RPRD1B: variants seen among roughly 807,000 people sequenced by gnomAD.
The protein encoded by RPRD1B is regulation of nuclear pre-mRNA domain containing 1B.
A neutral mutation model predicts 41.5 loss-of-function variants in RPRD1B; 11 were observed. The observed-to-expected ratio is 0.27, with a 90% CI of 0.17 to 0.44. The LOEUF (loss-of-function observed/expected upper bound fraction) is 0.44, where lower values mean the gene tolerates loss of function less well. RPRD1B is among the 20% of genes least tolerant of loss of function. The pLI, the probability that RPRD1B is intolerant of heterozygous loss-of-function variation, is 1.00. For missense variants in RPRD1B, 248 were observed against 389.9 expected, an observed-to-expected ratio of 0.64 and a Z score of 3.06; for synonymous variants, 158 against 155.6, an observed-to-expected ratio of 1.02 and a Z score of -0.12.
chr20:38,058,974 A>T (rs2074270364), intron 4 of RPRD1B, among the ~76,000 whole-genome samples: 1 of 152,130 alleles, frequency 6.6e-6, no homozygotes, highest in South Asian at 2.1e-4. Flanking sequence ...TTGGCTTCCC[A>T]AAGTGCTAGG....
intron 6 of RPRD1B, among the ~76,000 whole-genome samples, chr20:38,067,803 T>G (rs1265722295): frequency 1.3e-5 from 2 of 152,216 alleles, no homozygotes; most frequent in Non-Finnish European, 2.9e-5. Flanking sequence ...GGAAGCATTT[T>G]CAGCACTGTG....
intron 5 of RPRD1B, among the ~76,000 whole-genome samples, chr20:38,064,918 G>A (rs1057380060): frequency 3.0e-4 from 46 of 151,676 alleles, no homozygotes; most frequent in African/African-American, 1.0e-3. Flanking sequence ...CCTGGGAGGC[G>A]GAGCTTGCAG....
rs1380022622 is a variant in RPRD1B, at chr20:38,057,757, C to A, written c.528+113C>A. 7.0e-6 allele frequency: 5 copies of A among 713,124 alleles called. No individual in the cohort carries two copies. The Admixed American group carries it at 8.0e-5, about 11-fold the overall frequency. The allele number at this position is 713,124 out of a possible 1,614,324, so 44.2% of individuals were successfully genotyped here. A position where few individuals can be genotyped will look rare whatever the true frequency, so the allele number is the denominator to read the frequency against. On this transcript the variant is annotated intron_variant, in intron 4 of 6. Coordinates refer to ENST00000373433, the MANE Select transcript of RPRD1B (RefSeq NM_021215.4). The stretch of plus-strand genomic sequence containing the variant: ...ACTGGTATGGAATCATCAGAGGGCA[C>A]CTCTCAGGGGCCCCGTGCATCATCC...
At chr20:38,054,194 C>T (rs1053498151) in intron 3 of RPRD1B, among the ~76,000 whole-genome samples, 1 of 152,106 alleles carries the variant, frequency 6.6e-6, no homozygotes, top group Non-Finnish European at 1.5e-5. Context: ...GGCCTTGTAC[C>T]TGGAAGACAG....
chr20:38,044,340 A>G (rs1011955017), intron 2 of RPRD1B, among the ~76,000 whole-genome samples: 1 of 150,938 alleles, frequency 6.6e-6, no homozygotes, highest in Admixed American at 6.6e-5. Context: ...CTCTGCCAAA[A>G]TTCTAAGCTC....
In RPRD1B at chr20:38,091,668, G is replaced by T. The variant is rs1205095372; in HGVS notation, c.*1793G>T. 2.0e-6 allele frequency: 2 copies of T among 985,462 alleles called. No individual in the cohort carries two copies. The highest frequency in any genetic ancestry group is 3.5e-5 in the African/African-American group (2 of 57,182). The allele number at this position is 985,462 out of a possible 1,614,324, so 61.0% of individuals were successfully genotyped here. ...CCGTGGTGTGCTGCTTTCTAGATGA[G>T]CGTGTTTTGGAGCAGGCCCATCTGG... On this transcript the variant is annotated 3_prime_UTR_variant, in exon 7 of 7. Coordinates refer to ENST00000373433, the MANE Select transcript of RPRD1B (RefSeq NM_021215.4).
chr20:38,064,468 C>T (rs1176083800), intron 5 of RPRD1B, among the ~76,000 whole-genome samples: 2 of 152,156 alleles, frequency 1.3e-5, no homozygotes, highest in South Asian at 2.1e-4. Flanking sequence ...ACGGTACTGC[C>T]GGAGTCTCTG....
intron 5 of RPRD1B, 104 bp downstream of exon 5, chr20:38,059,624 T>A: frequency 9.0e-7 from 1 of 1,111,742 alleles, no homozygotes; most frequent in Admixed American, 2.6e-5. Context: ...CTACTTTCCA[T>A]GTTGTATTGG....
At chr20:38,072,395 A>G (rs1156519526) in intron 6 of RPRD1B, among the ~76,000 whole-genome samples, 1 of 152,216 alleles carries the variant, frequency 6.6e-6, no homozygotes, top group Non-Finnish European at 1.5e-5. Flanking sequence ...TCCTATGCTC[A>G]TACCACACTA....
intron 3 of RPRD1B, among the ~76,000 whole-genome samples, chr20:38,051,994 G>A (rs138510528): frequency 6.9e-4 from 105 of 152,094 alleles, no homozygotes; most frequent in African/African-American, 2.4e-3. Context: ...CAGGTGATCC[G>A]CCCACCTCGG....
rs751361120 is a variant in RPRD1B, at chr20:38,066,291, G to A, written c.831+35G>A. On this transcript the variant is annotated intron_variant, in intron 6 of 6. Transcript: ENST00000373433. ...TTGAAGGCAGACCCAGACTGCCCAC[G>A]TTTCCCTTCCTGTAGCCCACATTAG... 1.6e-5 allele frequency: 26 copies of A among 1,591,640 alleles called. No individual in the cohort carries two copies. In the South Asian group the frequency reaches 1.8e-4, roughly 11 times the overall value.
rs374432245 is a variant in RPRD1B at position 38,089,925 on chromosome 20, G to A, written c.*50G>A. On this transcript the variant is annotated 3_prime_UTR_variant, in exon 7 of 7. Coordinates refer to ENST00000373433, the MANE Select transcript of RPRD1B (RefSeq NM_021215.4). Reference sequence around the variant, plus strand: ...TGTTTGTACCAGCAGAAAGAAGAGGGCAAGTCATGGTTGGAAATAACCTTC... The same window carrying A: ...TGTTTGTACCAGCAGAAAGAAGAGGACAAGTCATGGTTGGAAATAACCTTC... 4.8e-5 allele frequency: 77 copies of A among 1,593,456 alleles called. No homozygotes were observed. Among genetic ancestry groups the A allele is most frequent in the Non-Finnish European group, 6.2e-5 (73 of 1,170,004 alleles).
At chr20:38,064,470 G>A (rs943755734) in intron 5 of RPRD1B, among the ~76,000 whole-genome samples, 2 of 152,166 alleles carry the variant, frequency 1.3e-5, no homozygotes, top group African/African-American at 4.8e-5. Flanking sequence ...GGTACTGCCG[G>A]AGTCTCTGGT....
intron 2 of RPRD1B, among the ~76,000 whole-genome samples, chr20:38,044,581 A>G (rs1044878334): frequency 6.6e-6 from 1 of 151,990 alleles, no homozygotes; most frequent in African/African-American, 2.4e-5. Flanking sequence ...TCACCATGTT[A>G]GCCAGGATGG....
chr20:38,080,635 C>T (rs989654317), intron 6 of RPRD1B, among the ~76,000 whole-genome samples: 1 of 152,208 alleles, frequency 6.6e-6, no homozygotes, highest in Non-Finnish European at 1.5e-5. Context: ...GAGCAGTTCT[C>T]CTGCCTCAGC....
At chr20:38,070,099 C>A in intron 6 of RPRD1B, 1 of 639,830 alleles carries the variant, frequency 1.6e-6, no homozygotes, top group Non-Finnish European at 1.9e-6. Flanking sequence ...GGAAAGGTAA[C>A]CATTTTTAGA....
intron 6 of RPRD1B, 116 bp from the exon 7 acceptor site, chr20:38,089,610 C>T (rs1175123325): frequency 1.0e-5 from 8 of 781,406 alleles, no homozygotes; most frequent in Admixed American, 2.3e-5. Flanking sequence ...ACAGGGTGGG[C>T]AGGCTGGTGG....
chr20:38,058,791 C>T (rs1262279204), intron 4 of RPRD1B, among the ~76,000 whole-genome samples: 1 of 152,196 alleles, frequency 6.6e-6, no homozygotes, highest in African/African-American at 2.4e-5. Flanking sequence ...ACTGCAAACT[C>T]AACCTCTGGG....
At chr20:38,070,227 T>C (rs1252241003) in intron 6 of RPRD1B, 3 of 985,280 alleles carry the variant, frequency 3.0e-6, no homozygotes, top group East Asian at 2.3e-4. Flanking sequence ...TGCTTCAGGG[T>C]GTCATGATTG....
Sources: allele counts gnomAD v4.1 joint callset (sites outside exome capture counted in the v4.1 genomes callset), GRCh38; gene constraint gnomAD v4.1.1; transcripts MANE v1.5; gene names NCBI Gene and HGNC (gene_info 2026-07-23, HGNC 2026-07-21).